The following RNF44 variants were observed in gnomAD, a reference collection of about 807,000 sequenced individuals.
RNF44 encodes ring finger protein 44.
A neutral mutation model predicts 53.6 loss-of-function variants in RNF44; 25 were observed. That is an observed-to-expected ratio of 0.47 (90% CI 0.34 to 0.65). The LOEUF is 0.65. RNF44 is among the 30% of genes least tolerant of loss of function. The probability of loss-of-function intolerance (pLI) is 0.01; values close to 1 mark genes in which losing one functional copy is unlikely to be tolerated. For synonymous variants in RNF44, 282 were observed against 252.2 expected (o/e 1.12, Z -1.12); for missense variants, 581 against 595.5 (o/e 0.98, Z 0.25).
At chr5:176,540,568 T>C (rs1757424367), upstream of RNF44, among the ~76,000 whole-genome samples, 1 of 152,206 alleles carries the variant, frequency 6.6e-6, no homozygotes, top group Non-Finnish European at 1.5e-5. Context: ...TCACATTGCA[T>C]CATGAGAGCA....
At position 176,531,158 on chromosome 5, in the gene RNF44, G is replaced by A. The variant is rs1756621826; in HGVS notation, c.466-137C>T. The A allele has an allele frequency of 1.5e-6, 1 of 659,958 alleles. No individual in the cohort carries two copies. Among genetic ancestry groups the A allele is most frequent in the Admixed American group, 3.6e-5 (1 of 28,012 alleles). The allele number at this position is 659,958 out of a possible 1,614,324, so 40.9% of individuals were successfully genotyped here. On this transcript the variant is annotated intron_variant, in intron 4 of 10. Transcript: ENST00000274811. This position sits in a 1 kb window ranked among gnomAD's most constrained non-coding sequence, Gnocchi z 4.2. The stretch of plus-strand genomic sequence containing the variant: ...GGTCTGTATAAGAAACCCTGTGGAA[G>A]GCCCATCCCTGTCCTAGGCCACCCA...
chr5:176,528,896 G>T lies in RNF44; in HGVS notation c.*132C>A. The T allele has an allele frequency of 1.2e-6, 1 of 814,684 alleles. No individual in the cohort carries two copies. The highest frequency in any genetic ancestry group is 1.9e-6 in the Non-Finnish European group (1 of 523,706). 50.5% of individuals were successfully genotyped at this position (814,684 alleles called of 1,614,324 possible). On this transcript the variant is annotated 3_prime_UTR_variant, in exon 11 of 11. Coordinates refer to ENST00000274811, the MANE Select transcript of RNF44 (RefSeq NM_014901.5). ...GGGACTCCTCGCTGGGCTGACCCTG[G>T]CACCAGCTCTGGAAATGCAGGCAGG...
intron 6 of RNF44, 87 bp downstream of exon 6, chr5:176,530,495 C>CT (rs1756538454): frequency 7.6e-7 from 1 of 1,307,200 alleles, no homozygotes; most frequent in Non-Finnish European, 9.9e-7. Flanking sequence ...TGCCTCCCAG[C>CT]TGCCTGGGAG....
Position 176,532,000 on chromosome 5 carries a change from C to A in RNF44, c.297+4G>T. ...AGGGGCACAGGGGATGGGGTTCTGC[C>A]TACCTGCTCGTGGAGATCAACCATG... On this transcript the variant is annotated splice_donor_region_variant and intron_variant, in intron 3 of 10. Coordinates refer to ENST00000274811, the MANE Select transcript of RNF44 (RefSeq NM_014901.5). This position sits in a 1 kb window ranked among gnomAD's most constrained non-coding sequence, Gnocchi z 4.2. The A allele has an allele frequency of 6.2e-7, 1 of 1,607,560 alleles. No homozygotes were observed. The highest frequency in any genetic ancestry group is 8.5e-7 in the Non-Finnish European group (1 of 1,176,952).
chr5:176,531,070 GC>G lies in RNF44; in HGVS notation c.466-50del. 7.4e-7 allele frequency: 1 copy of G among 1,353,956 alleles called. No homozygotes were observed. The highest frequency in any genetic ancestry group is 9.7e-7 in the Non-Finnish European group (1 of 1,026,984). 83.9% of individuals were successfully genotyped at this position (1,353,956 alleles called of 1,614,324 possible). Reference sequence around the variant, plus strand: ...CTGAGAACGTTCTCCTGGGCTCTGGGCCAGGTCTACGCCATGCCACCCAGCA... The same window carrying G: ...CTGAGAACGTTCTCCTGGGCTCTGGGCAGGTCTACGCCATGCCACCCAGCA... On this transcript the variant is annotated intron_variant, in intron 4 of 10. Transcript: ENST00000274811. This position sits in a 1 kb window ranked among gnomAD's most constrained non-coding sequence, Gnocchi z 4.2.
rs916000122 is a variant in RNF44 at position 176,537,224 on chromosome 5, C to A, written c.-329G>T. Reference sequence around the variant, plus strand: ...GAGCGGGAGGCGGCGCAGGACGCAGCTGGGTCTGCGCGGCAGCCGGCGGCT... The same window carrying A: ...GAGCGGGAGGCGGCGCAGGACGCAGATGGGTCTGCGCGGCAGCCGGCGGCT... On this transcript the variant is annotated 5_prime_UTR_variant, in exon 1 of 11. Coordinates refer to ENST00000274811, the MANE Select transcript of RNF44 (RefSeq NM_014901.5). The A allele has an allele frequency of 2.0e-5, 3 of 152,348 alleles. No homozygotes were observed. Among genetic ancestry groups the A allele is most frequent in the Non-Finnish European group, 2.9e-5 (2 of 68,142 alleles). 9.4% of individuals were successfully genotyped at this position (152,348 alleles called of 1,614,324 possible). A position where few individuals can be genotyped will look rare whatever the true frequency, so the allele number is the denominator to read the frequency against.
chr5:176,528,838 T>C lies in RNF44; in HGVS notation c.*190A>G, dbSNP rs1007288131. 2 of 618,496 alleles carry C rather than the reference T, an allele frequency of 3.2e-6. No homozygotes were observed. Among genetic ancestry groups the C allele is most frequent in the African/African-American group, 3.7e-5 (2 of 54,058 alleles). The allele number at this position is 618,496 out of a possible 1,614,324, so 38.3% of individuals were successfully genotyped here. A position where few individuals can be genotyped will look rare whatever the true frequency, so the allele number is the denominator to read the frequency against. ...AGGCAGGCAGACTAGGGAGGGAGTCTTTGGAGCTTGGCAAATGCAGGGGCT... is the reference window on the plus strand; with the variant it reads ...AGGCAGGCAGACTAGGGAGGGAGTCCTTGGAGCTTGGCAAATGCAGGGGCT... On this transcript the variant is annotated 3_prime_UTR_variant, in exon 11 of 11. Transcript: ENST00000274811.
rs1756105964 is a variant in RNF44, at chr5:176,527,235, C to T, written c.*1793G>A. The T allele has an allele frequency of 6.6e-6, 1 of 152,426 alleles. No individual in the cohort carries two copies. The highest frequency in any genetic ancestry group is 2.1e-4 in the South Asian group (1 of 4,832). The allele number at this position is 152,426 out of a possible 1,614,324, so 9.4% of individuals were successfully genotyped here. A position where few individuals can be genotyped will look rare whatever the true frequency, so the allele number is the denominator to read the frequency against. ...CCACAGGAAATCATTGGTAACATGG[C>T]ATCTATAGCAAGGTCGGCAGATCAC... On this transcript the variant is annotated 3_prime_UTR_variant, in exon 11 of 11. Coordinates refer to ENST00000274811, the MANE Select transcript of RNF44 (RefSeq NM_014901.5).
intron 1 of RNF44, among the ~76,000 whole-genome samples, chr5:176,533,665 A>G (rs1217221373): frequency 6.6e-6 from 1 of 152,182 alleles, no homozygotes; most frequent in African/African-American, 2.4e-5. Flanking sequence ...GAAGAACCCG[A>G]GAGAGGAAGC....
At chr5:176,541,847 C>G (rs1757454843), upstream of RNF44, among the ~76,000 whole-genome samples, 1 of 152,192 alleles carries the variant, frequency 6.6e-6, no homozygotes, top group Non-Finnish European at 1.5e-5. Flanking sequence ...GCTGGGGTAC[C>G]AGCCAGGGAC....
rs1433231937 is a variant in RNF44 at position 176,532,798 on chromosome 5, G to A, written c.-44-282C>T. ...AACTGAGGCACAGAGAAGTCCAGGC[G>A]CTTGTGCCATGAGGGGTCAGGAGAC... On this transcript the variant is annotated intron_variant, in intron 1 of 10. Coordinates refer to ENST00000274811, the MANE Select transcript of RNF44 (RefSeq NM_014901.5). Among the ~76,000 whole-genome samples, 6 of 147,848 alleles carry A rather than the reference G, an allele frequency of 4.1e-5. No individual in the cohort carries two copies. The South Asian group carries it at 1.1e-3, about 26-fold the overall frequency.
At chr5:176,535,673 C>A (rs1272548598) in intron 1 of RNF44, among the ~76,000 whole-genome samples, 2 of 152,218 alleles carry the variant, frequency 1.3e-5, no homozygotes, top group Non-Finnish European at 2.9e-5. Context: ...CCAAGCCATA[C>A]AGGAGGCTGG....
Position 176,530,483 on chromosome 5 carries a change from C to T in RNF44, c.801+99G>A, listed in dbSNP as rs188338559. ...CCCACGTGCAAGTCAGCCCGGTGGG[C>T]CTGCCTCCCAGCTGCCTGGGAGCCC... On this transcript the variant is annotated intron_variant, in intron 6 of 10. Coordinates refer to ENST00000274811, the MANE Select transcript of RNF44 (RefSeq NM_014901.5). 1.2e-4 allele frequency: 146 copies of T among 1,250,342 alleles called. 1 individual carries two copies. Among genetic ancestry groups the T allele is most frequent in the Middle Eastern group, 8.8e-4 (3 of 3,422 alleles). 77.5% of individuals were successfully genotyped at this position (1,250,342 alleles called of 1,614,324 possible). A position where few individuals can be genotyped will look rare whatever the true frequency, so the allele number is the denominator to read the frequency against.
chr5:176,532,016 A>G lies in RNF44; in HGVS notation c.285T>C (p.Asp95=), dbSNP rs1413967207. 6 of 1,610,292 alleles carry G rather than the reference A, an allele frequency of 3.7e-6. No homozygotes were observed. Among genetic ancestry groups the G allele is most frequent in the Non-Finnish European group, 4.2e-6 (5 of 1,178,394 alleles). ...PATQQSPFMV[D]LHEQVHQGPV... ...GGGTTCTGCCTACCTGCTCGTGGAG[A>G]TCAACCATGAACGGGCTCTGCTGGG... Residue 95 remains aspartate (D), a synonymous_variant, in exon 3 of 11, where the codon GAT becomes GAC. Transcript: ENST00000274811.
chr5:176,536,675 AAAGG>A (rs1389911778), intron 1 of RNF44, among the ~76,000 whole-genome samples: 2 of 151,040 alleles, frequency 1.3e-5, no homozygotes, highest in Non-Finnish European at 3.0e-5. Context: ...AAGCAACAAC[AAAGG>A]AAGTGGCGGC....
intron 6 of RNF44, 87 bp downstream of exon 6, chr5:176,530,495 C>CCGCCCCGGAGCCCACG (rs1367644889): frequency 7.7e-7 from 1 of 1,307,080 alleles, no homozygotes; most frequent in African/African-American, 1.6e-5. Flanking sequence ...TGCCTCCCAG[C>CCGCCCCGGAGCCCACG]TGCCTGGGAG....
At chr5:176,537,406 G>A (rs1294506062), upstream of RNF44, 3 of 151,496 alleles carry the variant, frequency 2.0e-5, no homozygotes, top group South Asian at 2.1e-4. Context: ...CAAGCCCGCA[G>A]GGGCCCCGCC....
chr5:176,529,055 G>A lies in RNF44; in HGVS notation c.1272C>T (p.Ala424=). The A allele has an allele frequency of 4.3e-6, 7 of 1,613,044 alleles. No homozygotes were observed. Among genetic ancestry groups the A allele is most frequent in the Non-Finnish European group, 5.9e-6 (7 of 1,179,984 alleles). The change falls in exon 11 of 11, where the codon GCC becomes GCT. Residue 424 remains alanine (A), a synonymous_variant. Coordinates refer to ENST00000274811, the MANE Select transcript of RNF44 (RefSeq NM_014901.5). ...NRTCPICRAD[A]SEVPREAE ...ACTCAGCCTCCCTGGGCACCTCGGA[G>A]GCGTCGGCCCGGCAGATGGGACACG...
At chr5:176,532,939 G>C (rs1403166897) in intron 1 of RNF44, among the ~76,000 whole-genome samples, 1 of 152,050 alleles carries the variant, frequency 6.6e-6, no homozygotes, top group African/African-American at 2.4e-5. Context: ...CCAGCACCCA[G>C]GCCTCACCCT....
Sources: gnomAD v4.1 joint callset for allele counts (sites outside exome capture counted in the v4.1 genomes callset) on GRCh38, gnomAD v4.1.1 for gene constraint, Gnocchi (gnomAD v3.1) non-coding constraint, MANE v1.5 for transcripts, NCBI Gene and HGNC (gene_info 2026-07-23, HGNC 2026-07-21) for gene names.